Variants in ST6GALNAC3 observed in about 807,000 individuals in gnomAD.
ST6GALNAC3 encodes alpha-N-acetylgalactosaminide alpha-2,6-sialyltransferase 3.
Under a neutral mutation model 32.7 loss-of-function variants are expected in ST6GALNAC3, and 25 were observed. The observed-to-expected ratio is 0.76, with a 90% confidence interval of 0.56 to 1.07. The LOEUF (loss-of-function observed/expected upper bound fraction) is 1.07, where lower values mean the gene tolerates loss of function less well. Ranked by LOEUF, ST6GALNAC3 falls within the 50% of genes least tolerant of loss-of-function variation. The pLI is 0.00. For missense variants in ST6GALNAC3, 355 were observed against 382.4 expected (o/e 0.93, Z 0.60); for synonymous variants, 129 against 133.1 (o/e 0.97, Z 0.21).
rs535851469 is a variant in ST6GALNAC3, at chr1:76,483,138, G to T, written c.623+70721G>T. Among the ~76,000 whole-genome samples, 320 of 152,194 alleles carry T rather than the reference G, an allele frequency of 2.1e-3. 2 individuals are homozygous for T. The highest frequency in any genetic ancestry group is 7.5e-3 in the African/African-American group (310 of 41,500). On this transcript the variant is annotated intron_variant, in intron 3 of 4. Transcript: ENST00000328299. ...CCAGTCTATCACTGATGGACATTTG[G>T]GTTGGTTCCAAGTCTTTGCTGTTGT...
At chr1:76,125,145 T>A (rs1013146514) in intron 1 of ST6GALNAC3, among the ~76,000 whole-genome samples, 1 of 152,242 alleles carries the variant, frequency 6.6e-6, no homozygotes, top group Non-Finnish European at 1.5e-5. Context: ...TACATGTCTC[T>A]GGGGCAGCCT....
chr1:76,505,343 CGATCTCCT>C (rs1166380687), intron 3 of ST6GALNAC3, among the ~76,000 whole-genome samples: 1 of 152,048 alleles, frequency 6.6e-6, no homozygotes, highest in East Asian at 1.9e-4. Context: ...AGGATGGTCT[CGATCTCCT>C]GACCTAGTGA....
intron 3 of ST6GALNAC3, among the ~76,000 whole-genome samples, chr1:76,613,882 A>G (rs946424776): frequency 6.6e-6 from 1 of 152,190 alleles, no homozygotes; most frequent in African/African-American, 2.4e-5. Context: ...TCTTTGTAGC[A>G]ATGTGAGAAT....
chr1:76,513,459 TG>T (rs1158824817), intron 3 of ST6GALNAC3, among the ~76,000 whole-genome samples: 2 of 152,170 alleles, frequency 1.3e-5, no homozygotes, highest in African/African-American at 4.8e-5. Context: ...AATTTATTTC[TG>T]GGCTCTCTAT....
chr1:76,125,192 G>A (rs1457858851), intron 1 of ST6GALNAC3, among the ~76,000 whole-genome samples: 1 of 152,168 alleles, frequency 6.6e-6, no homozygotes, highest in African/African-American at 2.4e-5. Context: ...AGCCAACAAG[G>A]TTTCCATCTG....
intron 1 of ST6GALNAC3, among the ~76,000 whole-genome samples, chr1:76,187,870 C>T (rs1295933687): frequency 6.6e-6 from 1 of 152,140 alleles, no homozygotes; most frequent in African/African-American, 2.4e-5. Context: ...CCCAGGATTG[C>T]CTTGAGCCTC....
intron 1 of ST6GALNAC3, among the ~76,000 whole-genome samples, chr1:76,251,600 C>T (rs1657620672): frequency 6.6e-6 from 1 of 152,148 alleles, no homozygotes; most frequent in Non-Finnish European, 1.5e-5. Context: ...AACTCTTAGT[C>T]ATTCTATAAG....
At chr1:76,208,066 C>T (rs568945967) in intron 1 of ST6GALNAC3, among the ~76,000 whole-genome samples, 7 of 145,998 alleles carry the variant, frequency 4.8e-5, no homozygotes, top group Admixed American at 2.8e-4. Context: ...AAATAGTTCA[C>T]CCAGAACCCA....
Position 76,250,478 on chromosome 1 carries a change from T to C in ST6GALNAC3, c.19-63327T>C, listed in dbSNP as rs144936684. On this transcript the variant is annotated intron_variant, in intron 1 of 4. Coordinates refer to ENST00000328299, the MANE Select transcript of ST6GALNAC3 (RefSeq NM_152996.4). Reference sequence around the variant, plus strand: ...CAAGTGAATTAGACTATTTGGCAAGTCAATTCCTGCTCACTTGGAAGCGTT... The same window carrying C: ...CAAGTGAATTAGACTATTTGGCAAGCCAATTCCTGCTCACTTGGAAGCGTT... 3.6e-3 allele frequency among the ~76,000 whole-genome samples: 542 copies of C among 152,272 alleles called. 2 individuals are homozygous for C. The highest frequency in any genetic ancestry group is 7.2e-3 in the Admixed American group (110 of 15,296).
intron 3 of ST6GALNAC3, among the ~76,000 whole-genome samples, chr1:76,537,526 G>A (rs1570162154): frequency 1.3e-5 from 2 of 152,118 alleles, no homozygotes; most frequent in South Asian, 4.2e-4. Flanking sequence ...AATGAATCCA[G>A]GAGCTGCTTT....
At chr1:76,552,690 C>T (rs1664706612) in intron 3 of ST6GALNAC3, among the ~76,000 whole-genome samples, 1 of 152,126 alleles carries the variant, frequency 6.6e-6, no homozygotes. Context: ...TTTAATATAG[C>T]TTTGTTTCTG....
Position 76,094,902 on chromosome 1 carries a change from G to A in ST6GALNAC3, c.18+20018G>A, listed in dbSNP as rs75564853. Among the ~76,000 whole-genome samples the A allele has an allele frequency of 5.4e-3, 801 of 148,700 alleles. 5 individuals carry two copies. Among genetic ancestry groups the A allele is most frequent in the African/African-American group, 0.019 (757 of 40,090 alleles). On this transcript the variant is annotated intron_variant, in intron 1 of 4. Coordinates refer to ENST00000328299, the MANE Select transcript of ST6GALNAC3 (RefSeq NM_152996.4). Reference sequence around the variant, plus strand: ...CCCCCCACCGTTCCTTACTCACTGAGCTTTATGCTACTTGACCATCACTCA... The same window carrying A: ...CCCCCCACCGTTCCTTACTCACTGAACTTTATGCTACTTGACCATCACTCA...
At chr1:76,551,360 A>C (rs56008006) in intron 3 of ST6GALNAC3, among the ~76,000 whole-genome samples, 170 of 152,304 alleles carry the variant, frequency 1.1e-3, no homozygotes, top group Non-Finnish European at 1.6e-3. Flanking sequence ...TTGTTTATTC[A>C]GCTCTTTTAT....
In ST6GALNAC3 at chr1:76,629,515, A is replaced by G; in HGVS notation, c.*709A>G. On this transcript the variant is annotated 3_prime_UTR_variant, in exon 5 of 5. Transcript: ENST00000328299. ...ACTCTTACCATCCATTCTTACTACCAACAGTATAACTGAACATGTGATTAG... is the reference window on the plus strand; with the variant it reads ...ACTCTTACCATCCATTCTTACTACCGACAGTATAACTGAACATGTGATTAG... 2 of 984,952 alleles carry G rather than the reference A, an allele frequency of 2.0e-6. No individual in the cohort carries two copies. The highest frequency in any genetic ancestry group is 2.4e-6 in the Non-Finnish European group (2 of 829,224). 61.0% of individuals were successfully genotyped at this position (984,952 alleles called of 1,614,324 possible). A position where few individuals can be genotyped will look rare whatever the true frequency, so the allele number is the denominator to read the frequency against.
intron 2 of ST6GALNAC3, among the ~76,000 whole-genome samples, chr1:76,336,285 A>G (rs747878894): frequency 5.9e-5 from 9 of 152,188 alleles, no homozygotes; most frequent in Non-Finnish European, 8.8e-5. Context: ...CTTTGGCCCA[A>G]AACATGTGTC....
chr1:76,375,065 C>G (rs1651116385), intron 2 of ST6GALNAC3, among the ~76,000 whole-genome samples: 1 of 151,974 alleles, frequency 6.6e-6, no homozygotes, highest in Non-Finnish European at 1.5e-5. Flanking sequence ...CAAGAGGTTC[C>G]AAATTCCAAA....
chr1:76,130,912 A>G (rs1342888044), intron 1 of ST6GALNAC3, among the ~76,000 whole-genome samples: 1 of 152,226 alleles, frequency 6.6e-6, no homozygotes, highest in African/African-American at 2.4e-5. Context: ...GCAGGCTCCA[A>G]ATATCCCACT....
intron 1 of ST6GALNAC3, among the ~76,000 whole-genome samples, chr1:76,302,855 A>G (rs1443053143): frequency 3.3e-5 from 5 of 152,054 alleles, no homozygotes; most frequent in African/African-American, 1.2e-4. Context: ...GAAAGAATGA[A>G]GCAACAAAAG....
intron 2 of ST6GALNAC3, among the ~76,000 whole-genome samples, chr1:76,316,119 C>T (rs931515832): frequency 6.6e-6 from 1 of 152,102 alleles, no homozygotes; most frequent in Non-Finnish European, 1.5e-5. Context: ...ATTAAGAAGT[C>T]TGACAATACC....
Sources: gnomAD v4.1 joint callset for allele counts (sites outside exome capture counted in the v4.1 genomes callset) on GRCh38, gnomAD v4.1.1 for gene constraint, MANE v1.5 for transcripts, NCBI Gene and HGNC (gene_info 2026-07-23, HGNC 2026-07-21) for gene names.